The following TRIM33 variants were observed in gnomAD, a reference collection of about 807,000 sequenced individuals.
The protein encoded by TRIM33 is E3 ubiquitin-protein ligase TRIM33.
A neutral mutation model predicts 125.4 loss-of-function variants in TRIM33; 20 were observed. The ratio of observed to expected loss-of-function variants is 0.16; its 90% CI spans 0.11 to 0.23. TRIM33 has a LOEUF of 0.23. Ranked by LOEUF, TRIM33 falls within the 10% of genes least tolerant of loss-of-function variation. The probability of loss-of-function intolerance (pLI) is 1.00; values close to 1 mark genes in which losing one functional copy is unlikely to be tolerated. For synonymous variants in TRIM33, 564 were observed against 513.9 expected (o/e 1.10, Z -1.32); for missense variants, 920 against 1,411.4 (o/e 0.65, Z 5.58).
At chr1:114,487,488 T>G (rs1027169943) in intron 1 of TRIM33, among the ~76,000 whole-genome samples, 2 of 151,950 alleles carry the variant, frequency 1.3e-5, no homozygotes, top group Non-Finnish European at 2.9e-5. Flanking sequence ...TATAAAAATT[T>G]GTCACTAATA....
intron 4 of TRIM33, among the ~76,000 whole-genome samples, chr1:114,440,743 C>T (rs982278394): frequency 6.6e-6 from 1 of 151,900 alleles, no homozygotes; most frequent in African/African-American, 2.4e-5. Flanking sequence ...CCCTGTTTTG[C>T]ATTTTCAATG....
intron 16 of TRIM33, among the ~76,000 whole-genome samples, chr1:114,402,559 T>C (rs1186370883): frequency 6.6e-6 from 1 of 152,034 alleles, no homozygotes; most frequent in Non-Finnish European, 1.5e-5. Context: ...CATGTTAAGT[T>C]TGAGGAATCT....
At chr1:114,465,779 C>T (rs943297671) in intron 1 of TRIM33, among the ~76,000 whole-genome samples, 6 of 152,080 alleles carry the variant, frequency 3.9e-5, no homozygotes, top group African/African-American at 9.7e-5. Context: ...CGGTGGCTCA[C>T]GCCTGTAATC....
intron 1 of TRIM33, among the ~76,000 whole-genome samples, chr1:114,482,353 A>G (rs1049641921): frequency 2.6e-5 from 4 of 152,352 alleles, no homozygotes; most frequent in East Asian, 3.9e-4. Flanking sequence ...AAAACATTAC[A>G]TAGGACGAAA....
rs1651882774 is a variant in TRIM33, at chr1:114,401,381, C to A, written c.2967+8G>T. ...TTCCCCACCGAGCTACTAAGGTAGG[C>A]AACTCACCGAAGCAGGAACAGGCTC... On this transcript the variant is annotated splice_region_variant and intron_variant, in intron 17 of 19. Transcript: ENST00000358465. The A allele has an allele frequency of 6.2e-7, 1 of 1,609,738 alleles. No individual in the cohort carries two copies. The highest frequency in any genetic ancestry group is 2.2e-5 in the East Asian group (1 of 44,574).
At chr1:114,506,999 T>C (rs1167756753) in intron 1 of TRIM33, among the ~76,000 whole-genome samples, 1 of 152,228 alleles carries the variant, frequency 6.6e-6, no homozygotes, top group Non-Finnish European at 1.5e-5. Context: ...GTGATTCTTA[T>C]TTACACAAAA....
At chr1:114,411,866 C>T (rs926605000) in intron 11 of TRIM33, among the ~76,000 whole-genome samples, 3 of 152,094 alleles carry the variant, frequency 2.0e-5, no homozygotes, top group African/African-American at 7.2e-5. Context: ...GACATTAATT[C>T]ATTTATTCAT....
chr1:114,484,566 A>C (rs1651556425), intron 1 of TRIM33, among the ~76,000 whole-genome samples: 1 of 152,100 alleles, frequency 6.6e-6, no homozygotes. Context: ...ATCTCTATTA[A>C]AAATACAAAA....
In TRIM33 at chr1:114,486,985, G is replaced by A. The variant is rs139309028; in HGVS notation, c.527-22597C>T. Among the ~76,000 whole-genome samples, 1,112 of 151,686 alleles carry A rather than the reference G, an allele frequency of 7.3e-3. 9 individuals are homozygous for A. The highest frequency in any genetic ancestry group is 0.012 in the Non-Finnish European group (803 of 67,946). On this transcript the variant is annotated intron_variant, in intron 1 of 19. Transcript: ENST00000358465. ...GCTTGTAGTACCAGTTACTTGGGAGGCTGAAGCAGGCGAATCACTTGAACC... is the reference window on the plus strand; with the variant it reads ...GCTTGTAGTACCAGTTACTTGGGAGACTGAAGCAGGCGAATCACTTGAACC...
intron 1 of TRIM33, among the ~76,000 whole-genome samples, chr1:114,486,650 G>A (rs1651717217): frequency 6.6e-6 from 1 of 151,584 alleles, no homozygotes; most frequent in East Asian, 1.9e-4. Context: ...TGACCTTCAG[G>A]CAAAATCAAG....
chr1:114,473,114 G>A (rs1650749317), intron 1 of TRIM33, among the ~76,000 whole-genome samples: 1 of 151,732 alleles, frequency 6.6e-6, no homozygotes, highest in Admixed American at 6.6e-5. Context: ...AAAATTGGCT[G>A]GGTGTGGTTT....
intron 13 of TRIM33, 58 bp downstream of exon 13, chr1:114,408,619 A>G: frequency 9.1e-7 from 1 of 1,097,664 alleles, no homozygotes; most frequent in Non-Finnish European, 1.3e-6. Flanking sequence ...TACTTTTATT[A>G]TACATATTTG....
chr1:114,463,509 T>C lies in TRIM33; in HGVS notation c.693A>G (p.Val231=), dbSNP rs116744090. The C allele has an allele frequency of 1.9e-6, 3 of 1,611,902 alleles. No individual in the cohort carries two copies. The highest frequency in any genetic ancestry group is 2.2e-5 in the East Asian group (1 of 44,818). ...EDNASAVGFC[V]ECGEWLCKTC... ...TCTTACATAGCCACTCTCCACATTCTACACAAAAGCCAACTGCACTTGCAT... is the reference window on the plus strand; with the variant it reads ...TCTTACATAGCCACTCTCCACATTCCACACAAAAGCCAACTGCACTTGCAT... The change falls in exon 3 of 20, where the codon GTA becomes GTG. Residue 231 remains valine, a synonymous_variant. Coordinates refer to ENST00000358465, the MANE Select transcript of TRIM33 (RefSeq NM_015906.4).
intron 4 of TRIM33, among the ~76,000 whole-genome samples, chr1:114,445,644 C>T (rs1451095522): frequency 6.6e-6 from 1 of 152,092 alleles, no homozygotes; most frequent in Non-Finnish European, 1.5e-5. Flanking sequence ...TATCTAAAAA[C>T]TCCATGGTCA....
intron 1 of TRIM33, among the ~76,000 whole-genome samples, chr1:114,475,832 A>G (rs2101458492): frequency 6.6e-6 from 1 of 152,220 alleles, no homozygotes; most frequent in Middle Eastern, 3.4e-3. Context: ...GCAAGACCCC[A>G]TCTCTAGAAA....
At chr1:114,439,745 A>G (rs1648540629) in intron 4 of TRIM33, among the ~76,000 whole-genome samples, 1 of 152,132 alleles carries the variant, frequency 6.6e-6, no homozygotes, top group Non-Finnish European at 1.5e-5. Flanking sequence ...TAAGGTATAT[A>G]ATTTCCAAAC....
At chr1:114,409,446 T>C (rs1218212668) in intron 12 of TRIM33, among the ~76,000 whole-genome samples, 6 of 152,226 alleles carry the variant, frequency 3.9e-5, no homozygotes, top group African/African-American at 1.2e-4. Flanking sequence ...GCTCTTACTT[T>C]TTAAATAATT....
At chr1:114,398,767 A>C (rs1420673094) in intron 18 of TRIM33, among the ~76,000 whole-genome samples, 1 of 151,854 alleles carries the variant, frequency 6.6e-6, no homozygotes, top group Non-Finnish European at 1.5e-5. Context: ...ATTAAATTCC[A>C]TTTTCTTCTC....
chr1:114,395,667 T>G lies in TRIM33; in HGVS notation c.*1981A>C, dbSNP rs41314009. The G allele has an allele frequency of 0.14, 26,888 of 193,778 alleles. 2,368 individuals carry two copies. Among genetic ancestry groups the G allele is most frequent in the Non-Finnish European group, 0.19 (17,702 of 92,900 alleles). The allele number at this position is 193,778 out of a possible 1,614,324, so 12.0% of individuals were successfully genotyped here. A position where few individuals can be genotyped will look rare whatever the true frequency, so the allele number is the denominator to read the frequency against. ...GCATAAGTATTTTTAAATAATTTTCTCCCTCTTATTAAAAAACATTTTTAG... is the reference window on the plus strand; with the variant it reads ...GCATAAGTATTTTTAAATAATTTTCGCCCTCTTATTAAAAAACATTTTTAG... On this transcript the variant is annotated 3_prime_UTR_variant, in exon 20 of 20. Coordinates refer to ENST00000358465, the MANE Select transcript of TRIM33 (RefSeq NM_015906.4).
Sources: gnomAD v4.1 joint callset for allele counts (sites outside exome capture counted in the v4.1 genomes callset) on GRCh38, gnomAD v4.1.1 for gene constraint, MANE v1.5 for transcripts, NCBI Gene and HGNC (gene_info 2026-07-23, HGNC 2026-07-21) for gene names.